GRAMD4: variants seen among roughly 807,000 people sequenced by gnomAD.
The protein encoded by GRAMD4 is GRAM domain-containing protein 4.
GRAMD4 carries 25 observed loss-of-function variants against 83.9 expected under a neutral mutation model. The observed-to-expected ratio is 0.30, with a 90% CI of 0.22 to 0.42. The LOEUF is 0.42. Ranked by LOEUF, GRAMD4 falls within the 10% of genes least tolerant of loss-of-function variation. GRAMD4 has a pLI of 1.00. For missense variants in GRAMD4, 593 were observed against 788.7 expected (o/e 0.75, Z 2.97); for synonymous variants, 336 against 320.9 (o/e 1.05, Z -0.50).
intron 3 of GRAMD4, among the ~76,000 whole-genome samples, chr22:46,641,695 TTGG>T (rs1286922567): frequency 6.6e-6 from 1 of 152,192 alleles, no homozygotes; most frequent in East Asian, 1.9e-4. Flanking sequence ...TATCCCTCTG[TTGG>T]TGGTGCCGTG....
chr22:46,584,800 G>A (rs1019184557), intron 1 of GRAMD4, among the ~76,000 whole-genome samples: 55 of 152,244 alleles, frequency 3.6e-4, no homozygotes, highest in African/African-American at 1.3e-3. Flanking sequence ...GCCCCGCAGG[G>A]ACGGGCACGG....
upstream of GRAMD4, among the ~76,000 whole-genome samples, chr22:46,576,634 C>A (rs1477038675): frequency 6.6e-6 from 1 of 152,186 alleles, no homozygotes. Context: ...GCAGGTCCAG[C>A]CCCGGCGTGG....
At chr22:46,584,856 C>T (rs1569244524) in intron 1 of GRAMD4, among the ~76,000 whole-genome samples, 1 of 152,218 alleles carries the variant, frequency 6.6e-6, no homozygotes, top group Non-Finnish European at 1.5e-5. Context: ...ACTTAGAACG[C>T]ATCCCAGAGT....
chr22:46,648,935 CAT>C (rs2082123435), intron 3 of GRAMD4, among the ~76,000 whole-genome samples: 2 of 45,500 alleles, frequency 4.4e-5, no homozygotes, highest in Admixed American at 4.8e-4. Flanking sequence ...TGGATGGATG[CAT>C]GGATGGATGG....
chr22:46,611,834 C>CA (rs138512), intron 1 of GRAMD4, among the ~76,000 whole-genome samples: 381 of 138,066 alleles, frequency 2.8e-3, no homozygotes, highest in South Asian at 7.6e-3. Context: ...ACTAAAAATA[C>CA]AAAAAAAAAA....
upstream of GRAMD4, among the ~76,000 whole-genome samples, chr22:46,616,701 C>T (rs1188861339): frequency 3.5e-5 from 2 of 56,488 alleles, no homozygotes; most frequent in African/African-American, 1.4e-4. Flanking sequence ...TTCCCCTGTG[C>T]GTGTAGGTTC....
upstream of GRAMD4, among the ~76,000 whole-genome samples, chr22:46,619,373 C>T (rs545451147): frequency 2.2e-4 from 34 of 152,236 alleles, no homozygotes; most frequent in African/African-American, 7.5e-4. Context: ...AGGTCTGGCC[C>T]TCACCCAGGC....
In GRAMD4 at chr22:46,668,172, T is replaced by C. The variant is rs756496655; in HGVS notation, c.930+5T>C. On this transcript the variant is annotated splice_donor_5th_base_variant and intron_variant, in intron 11 of 18. Transcript: ENST00000406902. ...GACGTCGCCCAGAAAGCCCAGGTAC[T>C]GCCACGGGCGCCGGCCAGGGGTGTG... 6.2e-7 allele frequency: 1 copy of C among 1,606,944 alleles called. No individual in the cohort carries two copies. Among genetic ancestry groups the C allele is most frequent in the South Asian group, 1.1e-5 (1 of 90,912 alleles).
intron 1 of GRAMD4, among the ~76,000 whole-genome samples, chr22:46,578,799 G>A (rs1025133566): frequency 2.6e-5 from 4 of 152,194 alleles, no homozygotes; most frequent in Non-Finnish European, 2.9e-5. Flanking sequence ...TCCAGGAAAG[G>A]GGCCCTGCCT....
chr22:46,672,052 C>T lies in GRAMD4; in HGVS notation c.1085-791C>T, dbSNP rs895082585. Among the ~76,000 whole-genome samples the T allele has an allele frequency of 1.3e-5, 2 of 152,232 alleles. No individual in the cohort carries two copies. Among genetic ancestry groups the T allele is most frequent in the Non-Finnish European group, 2.9e-5 (2 of 68,048 alleles). On this transcript the variant is annotated intron_variant, in intron 13 of 18. Coordinates refer to ENST00000406902, the MANE Select transcript of GRAMD4 (RefSeq NM_015124.5). This position sits in a 1 kb window ranked among gnomAD's most constrained non-coding sequence, Gnocchi z 4.7. Reference sequence around the variant, plus strand: ...CTGGCGGGCTGTGCACTGGGGGCAGCGAGACAGCCCCCAGCACTGGGAGGG... The same window carrying T: ...CTGGCGGGCTGTGCACTGGGGGCAGTGAGACAGCCCCCAGCACTGGGAGGG...
downstream of GRAMD4, among the ~76,000 whole-genome samples, chr22:46,681,872 C>T (rs2146529516): frequency 1.3e-5 from 2 of 152,274 alleles, no homozygotes; most frequent in South Asian, 4.1e-4. Context: ...CCATTCTGCT[C>T]GTCCTGCAGA....
intron 2 of GRAMD4, among the ~76,000 whole-genome samples, chr22:46,635,178 A>AG (rs2081846260): frequency 1.2e-5 from 1 of 84,572 alleles, no homozygotes; most frequent in Non-Finnish European, 2.5e-5. Context: ...TGTCCTGGGG[A>AG]ACCGTGTCCT....
Position 46,666,750 on chromosome 22 carries a change from A to C in GRAMD4, c.810-75A>C, listed in dbSNP as rs1246277089. ...CCCCTCCAAGCCCAGCTGGGCGTGC[A>C]GGGCCAGCGATTCGATGCCTTCCCC... On this transcript the variant is annotated intron_variant, in intron 9 of 18. Coordinates refer to ENST00000406902, the MANE Select transcript of GRAMD4 (RefSeq NM_015124.5). The C allele has an allele frequency of 2.4e-6, 3 of 1,250,544 alleles. No homozygotes were observed. The African/African-American group carries it at 4.4e-5, about 18-fold the overall frequency. 77.5% of individuals were successfully genotyped at this position (1,250,544 alleles called of 1,614,324 possible).
chr22:46,577,998 C>T (rs1199439069), intron 1 of GRAMD4, among the ~76,000 whole-genome samples: 3 of 152,188 alleles, frequency 2.0e-5, no homozygotes, highest in South Asian at 2.1e-4. Flanking sequence ...AGTTTGTTCT[C>T]AGCCGGGTGG....
Position 46,678,072 on chromosome 22 carries a change from C to T in GRAMD4, c.*821C>T, listed in dbSNP as rs1231158001. The T allele has an allele frequency of 1.0e-5, 10 of 985,568 alleles. No individual in the cohort carries two copies. Among genetic ancestry groups the T allele is most frequent in the African/African-American group, 3.5e-5 (2 of 57,372 alleles). The allele number at this position is 985,568 out of a possible 1,614,324, so 61.1% of individuals were successfully genotyped here. ...GGTGCAGGTAAAAGCACATCTTTCT[C>T]ACACTTTGCTCTTTGGAAGGCCCAG... On this transcript the variant is annotated 3_prime_UTR_variant, in exon 19 of 19. Transcript: ENST00000406902.
chr22:46,676,076 C>T (rs1042032123), intron 17 of GRAMD4, among the ~76,000 whole-genome samples: 4 of 152,216 alleles, frequency 2.6e-5, no homozygotes, highest in African/African-American at 9.6e-5. Flanking sequence ...TGGTCAGGGC[C>T]CCCAGCTCCC....
intron 1 of GRAMD4, among the ~76,000 whole-genome samples, chr22:46,597,834 G>T (rs2081277339): frequency 6.6e-6 from 1 of 152,156 alleles, no homozygotes; most frequent in Non-Finnish European, 1.5e-5. Context: ...AGTTTGATTT[G>T]CAAGTTACCC....
At chr22:46,630,754 A>G (rs1347181162) in intron 2 of GRAMD4, among the ~76,000 whole-genome samples, 1 of 152,194 alleles carries the variant, frequency 6.6e-6, no homozygotes, top group Non-Finnish European at 1.5e-5. Context: ...CTTAGCGTCC[A>G]TCACTCCTGG....
chr22:46,663,308 C>A (rs749937785), intron 6 of GRAMD4, 136 bp downstream of exon 6: 1 of 851,706 alleles, frequency 1.2e-6, no homozygotes. Context: ...CTGGAGGCTC[C>A]GCTGTGTCTG....
Sources: allele counts gnomAD v4.1 joint callset (sites outside exome capture counted in the v4.1 genomes callset), GRCh38; gene constraint gnomAD v4.1.1; non-coding constraint Gnocchi (gnomAD v3.1); transcripts MANE v1.5; gene names NCBI Gene and HGNC (gene_info 2026-07-23, HGNC 2026-07-21).